PCSK5: variants seen among roughly 807,000 people sequenced by gnomAD.
The protein encoded by PCSK5 is proprotein convertase subtilisin/kexin type 5.
A neutral mutation model predicts 233.2 loss-of-function variants in PCSK5; 129 were observed. The ratio of observed to expected loss-of-function variants is 0.55; its 90% CI spans 0.48 to 0.64. The LOEUF is 0.64. Among genes scored for constraint, PCSK5 ranks in the 30% least tolerant of loss-of-function variants. PCSK5 has a pLI of 0.00. For synonymous variants in PCSK5, 825 were observed against 879.2 expected, an observed-to-expected ratio of 0.94 and a Z score of 1.09; for missense variants, 2,076 against 2,430.1, an observed-to-expected ratio of 0.85 and a Z score of 3.06.
chr9:76,154,009 A>T (rs1823778047), intron 10 of PCSK5, among the ~76,000 whole-genome samples: 1 of 152,256 alleles, frequency 6.6e-6, no homozygotes, highest in East Asian at 1.9e-4. Context: ...GTATATAAAA[A>T]ATTGTTAGTG....
chr9:76,051,306 A>C (rs892145045), intron 5 of PCSK5, among the ~76,000 whole-genome samples: 4 of 152,196 alleles, frequency 2.6e-5, no homozygotes, highest in African/African-American at 9.6e-5. Context: ...TTTACTCAGA[A>C]TATTCCCCGC....
chr9:76,310,898 C>A (rs2257775), intron 30 of PCSK5, 47 bp downstream of exon 30: 1,168,346 of 1,244,788 alleles, frequency 0.94, 548,786 homozygotes, highest in African/African-American at 0.99. Context: ...TCACTCTCCT[C>A]TGGTACTTTG....
chr9:76,343,724 C>T (rs1473760218), intron 35 of PCSK5, among the ~76,000 whole-genome samples: 1 of 152,158 alleles, frequency 6.6e-6, no homozygotes, highest in Non-Finnish European at 1.5e-5. Flanking sequence ...AGAGTCATCA[C>T]TTCCTCCAGA....
chr9:76,170,247 C>T (rs891032308), intron 13 of PCSK5, among the ~76,000 whole-genome samples: 3 of 152,212 alleles, frequency 2.0e-5, no homozygotes, highest in African/African-American at 7.2e-5. Flanking sequence ...ATTTACTTTT[C>T]AGTTTAGGCA....
In PCSK5 at chr9:76,279,832, G is replaced by A. The variant is rs901466266; in HGVS notation, c.3143-12401G>A. On this transcript the variant is annotated intron_variant, in intron 24 of 37. Transcript: ENST00000674117. ...ATATTAGCCCTTTGTCAGATGAGTAGGTTGCGAAAATTTTCTCCCATTTTG... is the reference window on the plus strand; with the variant it reads ...ATATTAGCCCTTTGTCAGATGAGTAAGTTGCGAAAATTTTCTCCCATTTTG... Among the ~76,000 whole-genome samples, 12 of 151,154 alleles carry A rather than the reference G, an allele frequency of 7.9e-5. No homozygotes were observed. In the South Asian group the frequency reaches 8.4e-4, roughly 11 times the overall value.
At chr9:76,098,772 A>G (rs747781546) in intron 8 of PCSK5, among the ~76,000 whole-genome samples, 4 of 152,230 alleles carry the variant, frequency 2.6e-5, no homozygotes, top group Non-Finnish European at 4.4e-5. Flanking sequence ...GGTCTCGTCC[A>G]GATGGGAGAA....
intron 11 of PCSK5, 134 bp from the exon 12 acceptor site, chr9:76,158,849 G>A (rs1160185168): frequency 7.2e-6 from 5 of 690,104 alleles, no homozygotes; most frequent in Non-Finnish European, 1.2e-5. Flanking sequence ...AGTTATTTTG[G>A]TGATAGCACT....
intron 24 of PCSK5, among the ~76,000 whole-genome samples, chr9:76,282,346 TTCTG>T (rs1045705863): frequency 4.0e-5 from 5 of 125,600 alleles, no homozygotes; most frequent in African/African-American, 1.2e-4. Context: ...CTTCCTTTTC[TTCTG>T]TCTTTTTTTT....
rs767963454 is a variant in PCSK5, at chr9:76,310,848, C to T, written c.3881C>T (p.Pro1294Leu). 1.2e-5 allele frequency: 19 copies of T among 1,578,480 alleles called. No homozygotes were observed. Among genetic ancestry groups the T allele is most frequent in the African/African-American group, 1.1e-4 (8 of 73,630 alleles). ...GAAGGCAGGTGCTACTCCAAGTGCC[C>T]GGAGTAAGTTTCCTTTTTAATTTTA... ...LHEGRCYSKC[P>L]EGSYAEDGIC... The change falls in exon 30 of 38, where the codon CCG becomes CTG. Residue 1294 changes from proline (P) to leucine (L), a missense_variant. By Grantham distance (98) the Pro-to-Leu change is moderately conservative. Transcript: ENST00000674117.
At chr9:76,160,625 A>G (rs920070801) in intron 12 of PCSK5, among the ~76,000 whole-genome samples, 2 of 152,226 alleles carry the variant, frequency 1.3e-5, no homozygotes, top group Non-Finnish European at 2.9e-5. Context: ...CAAGAGGCCC[A>G]TGAAAGTCTG....
chr9:76,246,341 C>CAAAA (rs59806704), intron 24 of PCSK5, among the ~76,000 whole-genome samples: 1 of 52,618 alleles, frequency 1.9e-5, no homozygotes, highest in Non-Finnish European at 4.0e-5. Flanking sequence ...GATTCCATCT[C>CAAAA]AAAAAAAAAA....
At chr9:76,339,813 G>A (rs1237506395) in intron 35 of PCSK5, among the ~76,000 whole-genome samples, 1 of 152,048 alleles carries the variant, frequency 6.6e-6, no homozygotes, top group African/African-American at 2.4e-5. Flanking sequence ...AAAGTGCTGG[G>A]ATTACATGTG....
At chr9:76,334,443 A>T (rs1587344816) in intron 34 of PCSK5, among the ~76,000 whole-genome samples, 1 of 152,222 alleles carries the variant, frequency 6.6e-6, no homozygotes, top group Admixed American at 6.5e-5. Flanking sequence ...CTTGAAAAAC[A>T]CCAGCCAGGC....
At chr9:76,057,513 A>C (rs1275189133) in intron 5 of PCSK5, among the ~76,000 whole-genome samples, 1 of 152,222 alleles carries the variant, frequency 6.6e-6, no homozygotes, top group Non-Finnish European at 1.5e-5. Flanking sequence ...CTGTTACATA[A>C]TGCATATGTA....
intron 1 of PCSK5, among the ~76,000 whole-genome samples, chr9:75,925,483 C>T (rs554515335): frequency 2.0e-5 from 3 of 152,276 alleles, no homozygotes; most frequent in Admixed American, 2.0e-4. Flanking sequence ...AAAAATCTGC[C>T]CTTATGGGGC....
Position 76,169,343 on chromosome 9 carries a change from C to T in PCSK5, c.1620-361C>T, listed in dbSNP as rs74465528. ...ACTGTCAAACTGTTTTCCAGAGCCT[C>T]GTATCATTTTGCACTCCTATCAGCA... is the stretch of plus-strand genomic sequence containing the variant. On this transcript the variant is annotated intron_variant, in intron 12 of 37. Transcript: ENST00000674117. Among the ~76,000 whole-genome samples the T allele has an allele frequency of 1.7e-3, 261 of 152,144 alleles. 2 individuals carry two copies. Among genetic ancestry groups the T allele is most frequent in the African/African-American group, 6.0e-3 (247 of 41,498 alleles).
intron 19 of PCSK5, 115 bp downstream of exon 19, chr9:76,189,338 T>A (rs1318416746): frequency 1.1e-6 from 1 of 880,904 alleles, no homozygotes; most frequent in East Asian, 2.5e-5. Flanking sequence ...GGTTTAAACA[T>A]GTACCTGTGG....
At chr9:76,356,995 C>A (rs1430655349) in intron 37 of PCSK5, among the ~76,000 whole-genome samples, 1 of 152,134 alleles carries the variant, frequency 6.6e-6, no homozygotes, top group Non-Finnish European at 1.5e-5. Context: ...ATAGTTTTTT[C>A]TCTGGTTCTT....
intron 14 of PCSK5, chr9:76,175,689 C>T (rs1823581338): frequency 6.5e-6 from 1 of 153,514 alleles, no homozygotes; most frequent in Admixed American, 6.5e-5. Context: ...ACAAGATGTA[C>T]CAGTCTTCAC....
Sources: allele counts gnomAD v4.1 joint callset (sites outside exome capture counted in the v4.1 genomes callset), GRCh38; gene constraint gnomAD v4.1.1; transcripts MANE v1.5; gene names NCBI Gene and HGNC (gene_info 2026-07-23, HGNC 2026-07-21).